Variants in EXOC4 observed in about 807,000 individuals in gnomAD.
EXOC4 encodes the protein SEC8-like 1.
EXOC4 carries 71 observed loss-of-function variants against 107.2 expected under a neutral mutation model. The ratio of observed to expected loss-of-function variants is 0.66; its 90% CI spans 0.55 to 0.81. The LOEUF is 0.81. Ranked by LOEUF, EXOC4 falls within the 30% of genes least tolerant of loss-of-function variation. The probability of loss-of-function intolerance (pLI) is 0.00; values close to 1 mark genes in which losing one functional copy is unlikely to be tolerated. For missense variants in EXOC4, 1,108 were observed against 1,189.6 expected, an observed-to-expected ratio of 0.93 and a Z score of 1.01; for synonymous variants, 456 against 441.2, an observed-to-expected ratio of 1.03 and a Z score of -0.42.
chr7:133,408,762 G>A (rs1019841771), intron 7 of EXOC4, among the ~76,000 whole-genome samples: 3 of 152,134 alleles, frequency 2.0e-5, no homozygotes, highest in African/African-American at 7.2e-5. Flanking sequence ...CAGGAATGTT[G>A]CGTTGCTTCT....
At chr7:133,410,208 T>C (rs1797325173) in intron 7 of EXOC4, among the ~76,000 whole-genome samples, 1 of 152,208 alleles carries the variant, frequency 6.6e-6, no homozygotes, top group African/African-American at 2.4e-5. Context: ...AATAATGTCT[T>C]GGACATGTGT....
chr7:133,636,830 A>G (rs1488309796), intron 10 of EXOC4, among the ~76,000 whole-genome samples: 3 of 152,236 alleles, frequency 2.0e-5, no homozygotes, highest in Non-Finnish European at 4.4e-5. Flanking sequence ...TAGGTCAGTT[A>G]AGAAGATGAA....
chr7:133,697,114 G>GTGTTTGTT (rs767773322), intron 10 of EXOC4, among the ~76,000 whole-genome samples: 2 of 152,116 alleles, frequency 1.3e-5, no homozygotes, highest in African/African-American at 4.8e-5. Flanking sequence ...GACCTGGGAA[G>GTGTTTGTT]TGTTTGTTTG....
At chr7:133,549,453 G>T (rs56958969) in intron 9 of EXOC4, among the ~76,000 whole-genome samples, 1 of 152,062 alleles carries the variant, frequency 6.6e-6, no homozygotes, top group African/African-American at 2.4e-5. Context: ...CCAGTGAGTG[G>T]GGCAGTCAGA....
chr7:134,026,568 GCA>G (rs1418026349), intron 17 of EXOC4, among the ~76,000 whole-genome samples: 2 of 151,190 alleles, frequency 1.3e-5, no homozygotes, highest in African/African-American at 4.9e-5. Context: ...AAGCCCAATA[GCA>G]GTTTGCTGAA....
At chr7:133,462,357 C>T (rs957760996) in intron 7 of EXOC4, among the ~76,000 whole-genome samples, 2 of 152,248 alleles carry the variant, frequency 1.3e-5, no homozygotes, top group South Asian at 2.1e-4. Flanking sequence ...TTTATTCTAC[C>T]CACCAGCATG....
rs568993983 is a variant in EXOC4, at chr7:133,912,504, A to G, written c.1872-5079A>G. Among the ~76,000 whole-genome samples the G allele has an allele frequency of 1.2e-4, 18 of 152,324 alleles. No individual in the cohort carries two copies. The South Asian group carries it at 3.3e-3, about 28-fold the overall frequency. On this transcript the variant is annotated intron_variant, in intron 12 of 17. Transcript: ENST00000253861. ...GCACAGAGTGATCTTTGATTTGGTT[A>G]AATACCAAATGACTTGACAGCTCAT...
the EXOC4 span, among the ~76,000 whole-genome samples, chr7:134,075,300 T>G: frequency 6.6e-6 from 1 of 152,204 alleles, no homozygotes; most frequent in Non-Finnish European, 1.5e-5. Flanking sequence ...TATCTTGCTC[T>G]CCCTCTTCCA....
chr7:134,020,083 A>G (rs1268960547), intron 17 of EXOC4, among the ~76,000 whole-genome samples: 2 of 152,232 alleles, frequency 1.3e-5, no homozygotes, highest in Non-Finnish European at 2.9e-5. Context: ...TTAGCACGTC[A>G]TCAACAGCAC....
Position 133,475,207 on chromosome 7 carries a change from A to G in EXOC4, c.1183-121A>G, listed in dbSNP as rs1798981944. On this transcript the variant is annotated intron_variant, in intron 7 of 17. Transcript: ENST00000253861. ...TCCCCAACTTGGAAAATGAATGACC[A>G]GGTTAATATACTCCTGAATGTTGGT... 5.5e-6 allele frequency: 4 copies of G among 729,606 alleles called. No homozygotes were observed. The South Asian group carries it at 9.8e-5, about 18-fold the overall frequency. 45.2% of individuals were successfully genotyped at this position (729,606 alleles called of 1,614,324 possible). A position where few individuals can be genotyped will look rare whatever the true frequency, so the allele number is the denominator to read the frequency against.
At chr7:133,934,634 C>G (rs769554531) in intron 13 of EXOC4, among the ~76,000 whole-genome samples, 34 of 152,228 alleles carry the variant, frequency 2.2e-4, no homozygotes, top group Non-Finnish European at 4.7e-4. Flanking sequence ...AGGGCTACAC[C>G]TAATATGCAT....
At chr7:133,798,880 A>ATC (rs1383045286) in intron 10 of EXOC4, among the ~76,000 whole-genome samples, 1 of 152,224 alleles carries the variant, frequency 6.6e-6, no homozygotes, top group African/African-American at 2.4e-5. Context: ...GAGAAATAAC[A>ATC]GAGGACAGTA....
At position 133,649,515 on chromosome 7, in the gene EXOC4, T is replaced by G. The variant is rs947874148; in HGVS notation, c.1514+19374T>G. On this transcript the variant is annotated intron_variant, in intron 10 of 17. Coordinates refer to ENST00000253861, the MANE Select transcript of EXOC4 (RefSeq NM_021807.4). ...AGTAAAGATTATTTATAACTTTGAT[T>G]TCTTTCATGCTCATTTGTGTTCCTG... is the stretch of plus-strand genomic sequence containing the variant. Among the ~76,000 whole-genome samples the G allele has an allele frequency of 2.6e-5, 4 of 151,748 alleles. No homozygotes were observed. In the East Asian group the frequency reaches 7.7e-4, roughly 29 times the overall value.
intron 12 of EXOC4, among the ~76,000 whole-genome samples, chr7:133,917,101 G>A (rs186151312): frequency 3.3e-5 from 5 of 152,244 alleles, no homozygotes; most frequent in African/African-American, 4.8e-5. Context: ...GAAGAGAGGG[G>A]TGTCCATGAT....
intron 2 of EXOC4, among the ~76,000 whole-genome samples, chr7:133,287,863 G>T (rs1383944750): frequency 6.6e-6 from 1 of 152,150 alleles, no homozygotes; most frequent in African/African-American, 2.4e-5. Context: ...ACCACACCAA[G>T]TCTTGTAGAA....
At chr7:133,909,142 T>G (rs920171618) in intron 12 of EXOC4, among the ~76,000 whole-genome samples, 2 of 152,196 alleles carry the variant, frequency 1.3e-5, no homozygotes, top group Non-Finnish European at 2.9e-5. Flanking sequence ...CGTTTTGTGC[T>G]TCAGTTATGT....
chr7:133,963,769 C>G (rs1801000014), intron 14 of EXOC4, among the ~76,000 whole-genome samples: 1 of 152,136 alleles, frequency 6.6e-6, no homozygotes, highest in Admixed American at 6.5e-5. Context: ...GCTCTGTGCC[C>G]AGGACTGTGT....
intron 11 of EXOC4, among the ~76,000 whole-genome samples, chr7:133,861,615 A>G (rs898707875): frequency 1.3e-5 from 2 of 151,846 alleles, no homozygotes; most frequent in African/African-American, 4.8e-5. Flanking sequence ...GCTCACTGCA[A>G]CCTCTGCCTT....
chr7:133,907,112 C>G (rs1799584320), intron 12 of EXOC4, among the ~76,000 whole-genome samples: 1 of 152,164 alleles, frequency 6.6e-6, no homozygotes, highest in South Asian at 2.1e-4. Flanking sequence ...TCTGCAAGCT[C>G]CAGCTTGTGA....
Sources: allele counts gnomAD v4.1 joint callset (sites outside exome capture counted in the v4.1 genomes callset), GRCh38; gene constraint gnomAD v4.1.1; transcripts MANE v1.5; gene names NCBI Gene and HGNC (gene_info 2026-07-23, HGNC 2026-07-21).